The following TBC1D5 variants were observed in gnomAD, a reference collection of about 807,000 sequenced individuals.
The protein encoded by TBC1D5 is TBC1 domain family, member 5.
TBC1D5 carries 75 observed loss-of-function variants against 100.3 expected under a neutral mutation model. The ratio of observed to expected loss-of-function variants is 0.75; its 90% CI spans 0.62 to 0.91. The LOEUF (loss-of-function observed/expected upper bound fraction) is 0.91. TBC1D5 is among the 40% of genes least tolerant of loss of function. The pLI, the probability that TBC1D5 is intolerant of heterozygous loss-of-function variation, is 0.00. For missense variants in TBC1D5, 910 were observed against 942.4 expected, an observed-to-expected ratio of 0.97 and a Z score of 0.45; for synonymous variants, 323 against 325.6, an observed-to-expected ratio of 0.99 and a Z score of 0.09.
intron 1 of TBC1D5, among the ~76,000 whole-genome samples, chr3:17,642,582 T>G (rs2064627340): frequency 6.6e-6 from 1 of 152,152 alleles, no homozygotes; most frequent in Admixed American, 6.6e-5. Flanking sequence ...CTAACTACAG[T>G]GGAGGCCAAT....
intron 3 of TBC1D5, among the ~76,000 whole-genome samples, chr3:17,457,660 A>G (rs981356901): frequency 2.0e-5 from 3 of 151,308 alleles, no homozygotes; most frequent in Non-Finnish European, 4.4e-5. Flanking sequence ...TCATATCTGC[A>G]TTTGTGTTTT....
chr3:17,164,536 C>T (rs12491878), intron 21 of TBC1D5, among the ~76,000 whole-genome samples: 3,338 of 152,322 alleles, frequency 0.022, 49 homozygotes, highest in Middle Eastern at 0.037. Context: ...ACACCCAGTT[C>T]CTGGCACAGC....
chr3:17,591,186 A>T (rs1458419042), intron 2 of TBC1D5, among the ~76,000 whole-genome samples: 1 of 132,560 alleles, frequency 7.5e-6, no homozygotes, highest in East Asian at 2.6e-4. Context: ...CAGTGAGCCG[A>T]GATTGCGCCA....
chr3:17,623,217 G>A (rs1015727795), intron 2 of TBC1D5, among the ~76,000 whole-genome samples: 1 of 152,116 alleles, frequency 6.6e-6, no homozygotes, highest in Non-Finnish European at 1.5e-5. Flanking sequence ...TGACTTAGTA[G>A]GTATGGGGTT....
At chr3:17,455,992 C>T (rs1022437135) in intron 3 of TBC1D5, among the ~76,000 whole-genome samples, 1 of 152,060 alleles carries the variant, frequency 6.6e-6, no homozygotes, top group East Asian at 1.9e-4. Flanking sequence ...GAAACAAACC[C>T]ACCCTCCTAC....
chr3:17,260,884 TTAA>T (rs2078221530), intron 15 of TBC1D5, among the ~76,000 whole-genome samples: 1 of 152,256 alleles, frequency 6.6e-6, no homozygotes, highest in Non-Finnish European at 1.5e-5. Flanking sequence ...TATACAGTTA[TTAA>T]TGAGATACTT....
intron 2 of TBC1D5, among the ~76,000 whole-genome samples, chr3:17,528,006 C>T (rs1267050209): frequency 6.8e-6 from 1 of 147,096 alleles, no homozygotes; most frequent in East Asian, 2.1e-4. Flanking sequence ...GATCGCCTCC[C>T]AAATTCCTGT....
intron 3 of TBC1D5, among the ~76,000 whole-genome samples, chr3:17,438,731 T>C (rs575309756): frequency 1.3e-5 from 2 of 152,326 alleles, no homozygotes; most frequent in Non-Finnish European, 2.9e-5. Flanking sequence ...ACTCCAATTT[T>C]ATCTTAACAA....
chr3:17,165,166 G>T (rs1257094452), intron 21 of TBC1D5, among the ~76,000 whole-genome samples: 2 of 152,182 alleles, frequency 1.3e-5, no homozygotes, highest in African/African-American at 2.4e-5. Context: ...CTTATCTTGG[G>T]TATGCACAGT....
At chr3:17,630,072 CAT>C (rs1238625414) in intron 1 of TBC1D5, among the ~76,000 whole-genome samples, 7 of 152,288 alleles carry the variant, frequency 4.6e-5, no homozygotes, top group South Asian at 2.1e-4. Context: ...CTAACTAGCA[CAT>C]GTTTTTGACA....
exon 22 of TBC1D5, chr3:17,160,557 G>T: frequency 5.9e-6 from 1 of 169,878 alleles, no homozygotes; most frequent in Non-Finnish European, 1.3e-5. Context: ...TAGAAGATAC[G>T]AAAATAACTA....
chr3:17,624,031 C>T (rs968179781), intron 1 of TBC1D5, 118 bp from the exon 2 acceptor site: 9 of 152,038 alleles, frequency 5.9e-5, no homozygotes, highest in African/African-American at 2.2e-4. Context: ...AATGTACATA[C>T]TAAAGCTAAT....
chr3:17,700,883 GA>G lies in TBC1D5; in HGVS notation c.-101+38459del, dbSNP rs570709305. ...AGGAACACTTTTACACTGTTGGTGG[GA>G]CTGTAAACCAGTTCAACCATTGTGG... On this transcript the variant is annotated intron_variant, in intron 1 of 21. Transcript: ENST00000253692. Among the ~76,000 whole-genome samples the G allele has an allele frequency of 1.7e-3, 255 of 152,256 alleles. 2 individuals carry two copies. The highest frequency in any genetic ancestry group is 5.9e-3 in the African/African-American group (246 of 41,550).
At chr3:17,427,403 A>G (rs1197507107) in intron 4 of TBC1D5, among the ~76,000 whole-genome samples, 1 of 152,040 alleles carries the variant, frequency 6.6e-6, no homozygotes, top group African/African-American at 2.4e-5. Context: ...TGCCTCCTGT[A>G]TAAAAGGCCC....
At chr3:17,629,857 C>A (rs2063350379) in intron 1 of TBC1D5, among the ~76,000 whole-genome samples, 1 of 152,146 alleles carries the variant, frequency 6.6e-6, no homozygotes, top group Non-Finnish European at 1.5e-5. Flanking sequence ...CATGCTACAT[C>A]TCATACTGGA....
chr3:17,549,800 C>CA (rs1244807434), intron 2 of TBC1D5, among the ~76,000 whole-genome samples: 3 of 151,928 alleles, frequency 2.0e-5, no homozygotes, highest in African/African-American at 7.2e-5. Context: ...GTGTGTAGTG[C>CA]ATGCCTGTAT....
chr3:17,639,606 G>T (rs1427616765), intron 1 of TBC1D5, among the ~76,000 whole-genome samples: 2 of 152,046 alleles, frequency 1.3e-5, no homozygotes, highest in South Asian at 4.1e-4. Flanking sequence ...AATAAACTAT[G>T]GTGGTATCTA....
chr3:17,305,923 A>G (rs2083347545), intron 14 of TBC1D5, among the ~76,000 whole-genome samples: 1 of 152,146 alleles, frequency 6.6e-6, no homozygotes, highest in Non-Finnish European at 1.5e-5. Context: ...TCTACAAGTG[A>G]TCACATTTCT....
chr3:17,329,695 A>T (rs964370642), intron 13 of TBC1D5, among the ~76,000 whole-genome samples: 1 of 152,170 alleles, frequency 6.6e-6, no homozygotes, highest in African/African-American at 2.4e-5. Context: ...CCCTAGTCCA[A>T]TGCTTTTCCC....
Sources: allele counts gnomAD v4.1 joint callset (sites outside exome capture counted in the v4.1 genomes callset), GRCh38; gene constraint gnomAD v4.1.1; transcripts MANE v1.5; gene names NCBI Gene and HGNC (gene_info 2026-07-23, HGNC 2026-07-21).